GLB1L3: variants seen among roughly 807,000 people sequenced by gnomAD.
GLB1L3 encodes the protein galactosidase beta 1 like 3, also known as beta-galactosidase-1-like protein 3.
Under a neutral mutation model 89.5 loss-of-function variants are expected in GLB1L3, and 89 were observed. That is an observed-to-expected ratio of 0.99 (90% CI 0.84 to 1.19). GLB1L3 has a LOEUF of 1.19. Among genes scored for constraint, GLB1L3 ranks in the 50% most tolerant of loss-of-function variants. The pLI is 0.00. For missense variants in GLB1L3, 812 were observed against 813.3 expected, an observed-to-expected ratio of 1.00 and a Z score of 0.02; for synonymous variants, 314 against 312.3, an observed-to-expected ratio of 1.01 and a Z score of -0.06.
In GLB1L3 at chr11:134,292,781, G is replaced by A. The variant is rs371850239; in HGVS notation, c.812-364G>A. 82 of 379,878 alleles carry A rather than the reference G, an allele frequency of 2.2e-4. No individual in the cohort carries two copies. The East Asian group carries it at 3.3e-3, about 15-fold the overall frequency. 23.5% of individuals were successfully genotyped at this position (379,878 alleles called of 1,614,324 possible). On this transcript the variant is annotated intron_variant, in intron 8 of 19. Coordinates refer to ENST00000431683, the MANE Select transcript of GLB1L3 (RefSeq NM_001080407.3). ...GGGCGAGCTGCTGCCGGCGGCTGCC[G>A]TTCTGCCTCCTTAGTAGTGGCTCTT... is the stretch of plus-strand genomic sequence containing the variant.
chr11:134,297,060 G>A (rs1287257179), intron 9 of GLB1L3, among the ~76,000 whole-genome samples: 2 of 151,654 alleles, frequency 1.3e-5, no homozygotes, highest in African/African-American at 2.4e-5. Context: ...TTTCTTTTAC[G>A]CCTATTAGTT....
intron 7 of GLB1L3, among the ~76,000 whole-genome samples, chr11:134,290,320 C>T (rs2136139386): frequency 6.6e-6 from 1 of 152,258 alleles, no homozygotes. Flanking sequence ...TGCCTAGAAT[C>T]CCAGCACTTT....
rs1436842123 is a variant in GLB1L3 at position 134,314,307 on chromosome 11, C to T, written c.1668-23C>T. 3 of 1,498,888 alleles carry T rather than the reference C, an allele frequency of 2.0e-6. No individual in the cohort carries two copies. In the East Asian group the frequency reaches 7.4e-5, roughly 37 times the overall value. 92.8% of individuals were successfully genotyped at this position (1,498,888 alleles called of 1,614,324 possible). On this transcript the variant is annotated intron_variant, in intron 17 of 19. Transcript: ENST00000431683. ...GGTTGGGAAGGGGACTTCTTCTCCC[C>T]CATGGCTTGGCCTTTCTTCCAGGCT... is the stretch of plus-strand genomic sequence containing the variant.
At chr11:134,313,289 C>A in intron 15 of GLB1L3, 107 bp from the exon 16 acceptor site, 1 of 784,086 alleles carries the variant, frequency 1.3e-6, no homozygotes, top group South Asian at 1.6e-5. Flanking sequence ...CCTGGAGCCT[C>A]CTGTTCTCCC....
chr11:134,294,982 G>A (rs1941554334), intron 9 of GLB1L3, among the ~76,000 whole-genome samples: 1 of 152,180 alleles, frequency 6.6e-6, no homozygotes, highest in Admixed American at 6.5e-5. Context: ...ATCTGATTGT[G>A]AGATTATCAT....
intron 8 of GLB1L3, chr11:134,292,828 G>A (rs578080134): frequency 8.1e-5 from 38 of 469,474 alleles, no homozygotes; most frequent in South Asian, 7.9e-4. Flanking sequence ...TGGCACACTG[G>A]AACACGTGCT....
At chr11:134,277,952 A>G (rs1369603435) in intron 3 of GLB1L3, 40 bp downstream of exon 3, 4 of 1,599,298 alleles carry the variant, frequency 2.5e-6, no homozygotes, top group South Asian at 1.1e-5. Flanking sequence ...TCGTTACCCT[A>G]CAAGTGCATC....
intron 9 of GLB1L3, among the ~76,000 whole-genome samples, chr11:134,297,859 C>CAAAA (rs34354899): frequency 2.8e-4 from 28 of 100,866 alleles, no homozygotes; most frequent in East Asian, 1.0e-3. Flanking sequence ...GACTCTGTCT[C>CAAAA]AAAAAAAAAA....
Position 134,283,829 on chromosome 11 carries a change from G to A in GLB1L3, c.620G>A (p.Arg207Lys). The change falls in exon 6 of 20, where the codon AGA becomes AAA. Residue 207 changes from arginine (R) to lysine (K), a missense_variant. Arg to Lys is a conservative substitution (Grantham distance 26). Around this residue, in one of 3 missense-constraint regions of GLB1L3, gnomAD observed 618 missense variants for 604.0 expected, o/e 1.02. Coordinates refer to ENST00000431683, the MANE Select transcript of GLB1L3 (RefSeq NM_001080407.3). ...VEKYFDHLIP[R>K]VIPLQYRQAG... is the part of the protein sequence containing the mutation. ...AAGTATTTTGACCACCTGATTCCCA[G>A]AGTGATTCCTCTCCAGGTAAAGCCA... 5.0e-6 allele frequency: 8 copies of A among 1,606,854 alleles called. No homozygotes were observed. The highest frequency in any genetic ancestry group is 6.8e-6 in the Non-Finnish European group (8 of 1,174,242).
At chr11:134,305,226 A>G (rs1565409648) in intron 9 of GLB1L3, 1 of 819,890 alleles carries the variant, frequency 1.2e-6, no homozygotes, top group Non-Finnish European at 2.1e-6. Flanking sequence ...TAAGCTTCTG[A>G]TGCACTGAAT....
intron 10 of GLB1L3, 49 bp downstream of exon 10, chr11:134,307,257 C>A (rs1942248084): frequency 1.5e-6 from 2 of 1,300,548 alleles, no homozygotes; most frequent in South Asian, 2.5e-5. Flanking sequence ...CCCCAGGTCC[C>A]ATGAGAACTC....
intron 6 of GLB1L3, among the ~76,000 whole-genome samples, chr11:134,284,205 C>T (rs1411760972): frequency 6.6e-6 from 1 of 152,172 alleles, no homozygotes; most frequent in African/African-American, 2.4e-5. Context: ...AAAATCTCAC[C>T]TTCCACCCTG....
At chr11:134,318,847 T>TC (rs1943090760) in intron 19 of GLB1L3, 30 bp from the exon 20 acceptor site, 2 of 1,597,736 alleles carry the variant, frequency 1.3e-6, no homozygotes, top group African/African-American at 2.7e-5. Context: ...GCTTCACCTT[T>TC]CCCACTGTCA....
downstream of GLB1L3, among the ~76,000 whole-genome samples, chr11:134,320,333 C>T (rs889398312): frequency 5.3e-5 from 8 of 152,266 alleles, no homozygotes; most frequent in African/African-American, 1.4e-4. Context: ...TGTGAGATAC[C>T]TCCACAATTC....
At position 134,312,481 on chromosome 11, in the gene GLB1L3, G is replaced by A. The variant is rs2509062; in HGVS notation, c.1420G>A (p.Val474Met). The A allele has an allele frequency of 1, 1,610,647 of 1,612,132 alleles. 804,592 individuals are homozygous for A. Among genetic ancestry groups the A allele is most frequent in the African/African-American group, 1 (75,026 of 75,028 alleles). The stretch of plus-strand genomic sequence containing the variant: ...CCGCCTCCGTGCCCACGCTCATGAC[G>A]TGGCACAGGTAGGGCCAGCAGGCTG... Reference protein sequence around the residue: ...GGRLRAHAHDVAQVFLDETMI... With the variant: ...GGRLRAHAHDMAQVFLDETMI... The change falls in exon 14 of 20, where the codon GTG (valine) becomes ATG (methionine). Residue 474 changes from valine to methionine, a missense_variant. Around this residue, in one of 3 missense-constraint regions of GLB1L3, gnomAD observed 618 missense variants for 604.0 expected, o/e 1.02. Transcript: ENST00000431683.
intron 9 of GLB1L3, among the ~76,000 whole-genome samples, chr11:134,293,861 A>G (rs1458493478): frequency 1.3e-5 from 2 of 151,972 alleles, no homozygotes; most frequent in African/African-American, 4.8e-5. Context: ...CCAGGATGAC[A>G]TGCAGCCCCC....
upstream of GLB1L3, chr11:134,276,370 C>T: frequency 4.6e-6 from 1 of 217,544 alleles, no homozygotes; most frequent in Non-Finnish European, 9.0e-6. Context: ...GCCCCTCTCC[C>T]GCGCAGGCCT....
chr11:134,284,494 G>A (rs377618075), intron 6 of GLB1L3, among the ~76,000 whole-genome samples: 11 of 152,094 alleles, frequency 7.2e-5, no homozygotes, highest in African/African-American at 1.2e-4. Context: ...TTGGGAGGCC[G>A]AGGCAGGGGG....
chr11:134,313,541 G>A (rs967189547), intron 16 of GLB1L3, 67 bp downstream of exon 16: 26 of 1,311,628 alleles, frequency 2.0e-5, no homozygotes, highest in East Asian at 7.6e-5. Flanking sequence ...CACTGGAGTC[G>A]GGGGCGGGAG....
Sources: allele counts gnomAD v4.1 joint callset (sites outside exome capture counted in the v4.1 genomes callset), GRCh38; gene constraint gnomAD v4.1.1; regional missense constraint gnomAD v4.1.1; transcripts MANE v1.5; gene names NCBI Gene and HGNC (gene_info 2026-07-23, HGNC 2026-07-21).